Variants in ADAMTS19 observed in about 807,000 individuals in gnomAD.
ADAMTS19 encodes A disintegrin and metalloproteinase with thrombospondin motifs 19.
A neutral mutation model predicts 153.3 loss-of-function variants in ADAMTS19; 93 were observed. That is an observed-to-expected ratio of 0.61 (90% CI 0.51 to 0.72). ADAMTS19 has a LOEUF of 0.72. ADAMTS19 is among the 30% of genes least tolerant of loss of function. ADAMTS19 has a pLI of 0.00. For synonymous variants in ADAMTS19, 600 were observed against 556.6 expected, an observed-to-expected ratio of 1.08 and a Z score of -1.10; for missense variants, 1,482 against 1,552.1, an observed-to-expected ratio of 0.95 and a Z score of 0.76.
At chr5:129,512,083 C>T (rs1225514791) in intron 3 of ADAMTS19, among the ~76,000 whole-genome samples, 1 of 151,944 alleles carries the variant, frequency 6.6e-6, no homozygotes, top group Non-Finnish European at 1.5e-5. Context: ...GACTTGAGTG[C>T]CCTGGTAAGG....
At chr5:129,689,707 G>A (rs1251733581) in intron 18 of ADAMTS19, among the ~76,000 whole-genome samples, 3 of 152,114 alleles carry the variant, frequency 2.0e-5, no homozygotes, top group Non-Finnish European at 4.4e-5. Context: ...TTACAGGCAT[G>A]AGCCACCGTG....
chr5:129,577,759 T>C (rs1336179951), intron 7 of ADAMTS19, among the ~76,000 whole-genome samples: 4 of 152,052 alleles, frequency 2.6e-5, no homozygotes, highest in Non-Finnish European at 4.4e-5. Flanking sequence ...ATTTGACAAA[T>C]TGTAAAATTT....
At chr5:129,703,521 C>T (rs1756006493) in intron 20 of ADAMTS19, among the ~76,000 whole-genome samples, 1 of 152,098 alleles carries the variant, frequency 6.6e-6, no homozygotes, top group African/African-American at 2.4e-5. Flanking sequence ...CCACTTGAGG[C>T]CAGGAGTTCA....
At chr5:129,600,704 A>G (rs1750604581) in intron 8 of ADAMTS19, among the ~76,000 whole-genome samples, 1 of 152,168 alleles carries the variant, frequency 6.6e-6, no homozygotes, top group Non-Finnish European at 1.5e-5. Context: ...GCAAAAATGT[A>G]TCGACTTTCT....
At chr5:129,664,499 T>G (rs189790267) in intron 15 of ADAMTS19, among the ~76,000 whole-genome samples, 1 of 152,226 alleles carries the variant, frequency 6.6e-6, no homozygotes. Flanking sequence ...GAATGGAAAT[T>G]ATGATTCTAA....
At chr5:129,672,635 A>G (rs1266944249) in intron 16 of ADAMTS19, among the ~76,000 whole-genome samples, 1 of 152,198 alleles carries the variant, frequency 6.6e-6, no homozygotes, top group Non-Finnish European at 1.5e-5. Context: ...AAGAAAATGT[A>G]TCTATATTAA....
intron 2 of ADAMTS19, among the ~76,000 whole-genome samples, chr5:129,503,725 G>A (rs1751180208): frequency 6.6e-6 from 1 of 152,038 alleles, no homozygotes; most frequent in African/African-American, 2.4e-5. Flanking sequence ...CTACTAGGGA[G>A]GCTGAGGCAG....
intron 6 of ADAMTS19, among the ~76,000 whole-genome samples, chr5:129,549,901 TGTATCC>T: frequency 1.7e-5 from 2 of 120,018 alleles, no homozygotes; most frequent in Non-Finnish European, 3.3e-5. Context: ...TACATATACA[TGTATCC>T]GTATATGTAT....
chr5:129,717,196 C>G (rs996678663), intron 21 of ADAMTS19, among the ~76,000 whole-genome samples: 6 of 152,130 alleles, frequency 3.9e-5, no homozygotes, highest in African/African-American at 1.4e-4. Flanking sequence ...AATCTTAACT[C>G]CTTTACCCTT....
At chr5:129,734,014 T>A (rs1442937559) in intron 21 of ADAMTS19, among the ~76,000 whole-genome samples, 1 of 151,152 alleles carries the variant, frequency 6.6e-6, no homozygotes, top group Non-Finnish European at 1.5e-5. Flanking sequence ...CAAAAAAGAA[T>A]GAAATTATGT....
intron 16 of ADAMTS19, among the ~76,000 whole-genome samples, chr5:129,666,559 T>C (rs1185164484): frequency 1.3e-5 from 2 of 152,200 alleles, no homozygotes; most frequent in African/African-American, 4.8e-5. Context: ...TAAACTCAGA[T>C]TGAATTTTTT....
intron 3 of ADAMTS19, among the ~76,000 whole-genome samples, chr5:129,524,115 T>C (rs1048061241): frequency 9.2e-5 from 14 of 152,084 alleles, no homozygotes; most frequent in Admixed American, 8.5e-4. Context: ...AACAGGTATA[T>C]AGACCAATGG....
chr5:129,602,921 C>T (rs1162278993), intron 8 of ADAMTS19, among the ~76,000 whole-genome samples: 1 of 151,658 alleles, frequency 6.6e-6, no homozygotes, highest in African/African-American at 2.4e-5. Flanking sequence ...AAATTTCTCT[C>T]CACTAAGTTC....
rs559903752 is a variant in ADAMTS19 at position 129,548,514 on chromosome 5, A to T, written c.1329-3350A>T. 1.8e-4 allele frequency among the ~76,000 whole-genome samples: 27 copies of T among 152,150 alleles called. No homozygotes were observed. The South Asian group carries it at 5.4e-3, about 30-fold the overall frequency. ...CCAGTTAGAATGGCAATCATTAAAAAGTCAGGAAACAACAGGTGCTGGAGA... is the reference window on the plus strand; with the variant it reads ...CCAGTTAGAATGGCAATCATTAAAATGTCAGGAAACAACAGGTGCTGGAGA... On this transcript the variant is annotated intron_variant, in intron 6 of 22. Transcript: ENST00000274487.
chr5:129,646,409 C>A (rs1753069617), intron 11 of ADAMTS19, among the ~76,000 whole-genome samples: 1 of 152,064 alleles, frequency 6.6e-6, no homozygotes, highest in South Asian at 2.1e-4. Context: ...AAAGCACTAA[C>A]AGGGCCCACA....
chr5:129,543,508 A>G lies in ADAMTS19; in HGVS notation c.1329-8356A>G, dbSNP rs146894259. 9.2e-5 allele frequency among the ~76,000 whole-genome samples: 14 copies of G among 152,318 alleles called. No homozygotes were observed. The East Asian group carries it at 2.7e-3, about 29-fold the overall frequency. ...AGACAGCACAGTGTAACATTACATT[A>G]TGTCTACTGTGTTTTAGGGAAAACC... is the stretch of plus-strand genomic sequence containing the variant. On this transcript the variant is annotated intron_variant, in intron 6 of 22. Coordinates refer to ENST00000274487, the MANE Select transcript of ADAMTS19 (RefSeq NM_133638.6).
chr5:129,602,798 A>G (rs1168957104), intron 8 of ADAMTS19, among the ~76,000 whole-genome samples: 1 of 150,412 alleles, frequency 6.6e-6, no homozygotes, highest in Non-Finnish European at 1.5e-5. Context: ...TTAGGGAAAC[A>G]CATTTTTGTA....
rs779419893 is a variant in ADAMTS19 at position 129,665,476 on chromosome 5, T to C, written c.2426-23T>C. The C allele has an allele frequency of 7.1e-6, 11 of 1,542,762 alleles. No homozygotes were observed. In the African/African-American group the frequency reaches 1.4e-4, roughly 19 times the overall value. ...ATTTTGAAGGAACTCAAGATTTATTTCATGTTTTATTGACTCTTACAGGTT... is the reference window on the plus strand; with the variant it reads ...ATTTTGAAGGAACTCAAGATTTATTCCATGTTTTATTGACTCTTACAGGTT... On this transcript the variant is annotated intron_variant, in intron 15 of 22. Coordinates refer to ENST00000274487, the MANE Select transcript of ADAMTS19 (RefSeq NM_133638.6).
intron 6 of ADAMTS19, among the ~76,000 whole-genome samples, chr5:129,546,824 G>C (rs570610986): frequency 6.6e-6 from 1 of 151,196 alleles, no homozygotes; most frequent in East Asian, 1.9e-4. Flanking sequence ...TAGGCAAATT[G>C]CTACATAAGC....
Sources: gnomAD v4.1 joint callset for allele counts (sites outside exome capture counted in the v4.1 genomes callset) on GRCh38, gnomAD v4.1.1 for gene constraint, MANE v1.5 for transcripts, NCBI Gene and HGNC (gene_info 2026-07-23, HGNC 2026-07-21) for gene names.